Variants in CNTLN observed in about 807,000 individuals in gnomAD.
CNTLN encodes the protein centlein, centrosomal protein.
Under a neutral mutation model 180.0 loss-of-function variants are expected in CNTLN, and 212 were observed. The ratio of observed to expected loss-of-function variants is 1.18; its 90% CI spans 1.05 to 1.32. The LOEUF is 1.32. Among genes scored for constraint, CNTLN ranks in the 40% most tolerant of loss-of-function variants. The probability of loss-of-function intolerance (pLI) is 0.00; values close to 1 mark genes in which losing one functional copy is unlikely to be tolerated. For missense variants in CNTLN, 2,095 were observed against 1,610.9 expected, an observed-to-expected ratio of 1.30 and a Z score of -5.14; for synonymous variants, 722 against 563.1, an observed-to-expected ratio of 1.28 and a Z score of -3.99.
intron 18 of CNTLN, among the ~76,000 whole-genome samples, chr9:17,439,318 A>T (rs1026178785): frequency 6.6e-6 from 1 of 152,354 alleles, no homozygotes; most frequent in African/African-American, 2.4e-5. Flanking sequence ...ACTAGGCCAC[A>T]AAACAACATT....
At chr9:17,396,786 C>T (rs1826558254) in intron 15 of CNTLN, among the ~76,000 whole-genome samples, 1 of 152,266 alleles carries the variant, frequency 6.6e-6, no homozygotes. Flanking sequence ...AATGTGCAGA[C>T]AAGTTTGAGA....
At chr9:17,433,079 C>G (rs1021948995) in intron 18 of CNTLN, among the ~76,000 whole-genome samples, 3 of 148,766 alleles carry the variant, frequency 2.0e-5, no homozygotes, top group African/African-American at 7.4e-5. Flanking sequence ...ACCTCCAAAT[C>G]TAACATTATT....
intron 12 of CNTLN, among the ~76,000 whole-genome samples, chr9:17,350,766 T>C (rs1027847168): frequency 2.6e-5 from 4 of 152,128 alleles, no homozygotes; most frequent in African/African-American, 9.7e-5. Flanking sequence ...ACTCAGTCCA[T>C]CATGAGGACC....
At chr9:17,353,279 T>G (rs1822527468) in intron 12 of CNTLN, among the ~76,000 whole-genome samples, 2 of 133,782 alleles carry the variant, frequency 1.5e-5, no homozygotes, top group African/African-American at 5.5e-5. Context: ...TTTAAGGAAC[T>G]GCCAAACTTT....
intron 18 of CNTLN, among the ~76,000 whole-genome samples, chr9:17,450,991 A>G (rs1830747445): frequency 6.6e-6 from 1 of 152,164 alleles, no homozygotes; most frequent in South Asian, 2.1e-4. Flanking sequence ...GTTGTATGGA[A>G]AATATTTGTT....
intron 8 of CNTLN, among the ~76,000 whole-genome samples, chr9:17,321,018 G>A (rs1819871536): frequency 6.6e-6 from 1 of 152,198 alleles, no homozygotes; most frequent in African/African-American, 2.4e-5. Context: ...TTTAAAAACA[G>A]CCTTTTGTTT....
At chr9:17,448,147 C>G in intron 18 of CNTLN, 1 of 208,822 alleles carries the variant, frequency 4.8e-6, no homozygotes, top group Non-Finnish European at 1.0e-5. Context: ...GGTGTTTTAA[C>G]TGCCCATTAA....
chr9:17,323,368 G>T (rs1371757091), intron 8 of CNTLN, among the ~76,000 whole-genome samples: 3 of 152,144 alleles, frequency 2.0e-5, no homozygotes, highest in East Asian at 1.9e-4. Flanking sequence ...TTGTTTTGTG[G>T]CATAAATGGT....
chr9:17,202,646 GTTTTTTTTT>G (rs57960408), intron 2 of CNTLN, among the ~76,000 whole-genome samples: 11,964 of 71,822 alleles, frequency 0.17, 615 homozygotes, highest in South Asian at 0.29. Flanking sequence ...TGCAACCTCT[GTTTTTTTTT>G]TTTTTTTTTT....
chr9:17,272,511 T>C (rs1057005594), intron 5 of CNTLN, among the ~76,000 whole-genome samples: 3 of 152,220 alleles, frequency 2.0e-5, no homozygotes, highest in Admixed American at 6.5e-5. Flanking sequence ...TTAAGCTATT[T>C]TGAGGTTCCT....
chr9:17,258,974 G>T (rs372175379), intron 5 of CNTLN, among the ~76,000 whole-genome samples: 1 of 150,560 alleles, frequency 6.6e-6, no homozygotes, highest in African/African-American at 2.5e-5. Context: ...ATTTCCTTCT[G>T]CTGCCTGATT....
chr9:17,216,136 G>A (rs1389742744), intron 2 of CNTLN, among the ~76,000 whole-genome samples: 2 of 152,120 alleles, frequency 1.3e-5, no homozygotes, highest in Admixed American at 6.5e-5. Flanking sequence ...CCCATCTTCT[G>A]AGTTGCTCAC....
Position 17,388,317 on chromosome 9 carries a change from T to C in CNTLN, c.2079+64T>C, listed in dbSNP as rs181784096. ...ATCTGAATTTTAACATAAAGGATTA[T>C]ATTTTAAAACGAGGGCTTGTAAATG... On this transcript the variant is annotated intron_variant, in intron 14 of 25. Coordinates refer to ENST00000380647, the MANE Select transcript of CNTLN (RefSeq NM_017738.4). 14 of 1,088,882 alleles carry C rather than the reference T, an allele frequency of 1.3e-5. No homozygotes were observed. In the East Asian group the frequency reaches 3.3e-4, roughly 26 times the overall value. The allele number at this position is 1,088,882 out of a possible 1,614,324, so 67.5% of individuals were successfully genotyped here.
chr9:17,241,049 G>A (rs979891104), intron 5 of CNTLN, among the ~76,000 whole-genome samples: 1 of 151,958 alleles, frequency 6.6e-6, no homozygotes, highest in Non-Finnish European at 1.5e-5. Flanking sequence ...TAGTAGAGAC[G>A]GGGTTTCATC....
chr9:17,453,045 C>T (rs1830879288), intron 18 of CNTLN, among the ~76,000 whole-genome samples: 1 of 152,084 alleles, frequency 6.6e-6, no homozygotes, highest in South Asian at 2.1e-4. Flanking sequence ...AGCACAGTCG[C>T]TCATGACTAT....
In CNTLN at chr9:17,299,306, A is replaced by G. The variant is rs137972154; in HGVS notation, c.1146+954A>G. 740 of 253,194 alleles carry G rather than the reference A, an allele frequency of 2.9e-3. 3 individuals are homozygous for G. The highest frequency in any genetic ancestry group is 0.016 in the African/African-American group (685 of 43,224). The allele number at this position is 253,194 out of a possible 1,614,324, so 15.7% of individuals were successfully genotyped here. On this transcript the variant is annotated intron_variant, in intron 7 of 25. Coordinates refer to ENST00000380647, the MANE Select transcript of CNTLN (RefSeq NM_017738.4). ...CTTCATATGTTTTGTGTAGTGTGCT[A>G]AATTATTTTAATAAATAATGTAGTT...
chr9:17,184,234 A>G (rs969225440), intron 2 of CNTLN, among the ~76,000 whole-genome samples: 5 of 152,164 alleles, frequency 3.3e-5, no homozygotes, highest in Non-Finnish European at 7.4e-5. Context: ...TTATTTGAAA[A>G]TGATCAAGCA....
At chr9:17,367,559 C>T (rs1823934481) in intron 13 of CNTLN, among the ~76,000 whole-genome samples, 1 of 152,138 alleles carries the variant, frequency 6.6e-6, no homozygotes, top group Admixed American at 6.5e-5. Context: ...CCCTTGGCAG[C>T]ACAGCTCATG....
At chr9:17,440,009 A>G (rs1195282107) in intron 18 of CNTLN, among the ~76,000 whole-genome samples, 1 of 152,222 alleles carries the variant, frequency 6.6e-6, no homozygotes, top group African/African-American at 2.4e-5. Flanking sequence ...TAAAATAGAA[A>G]TATTAAAATA....
Sources: allele counts gnomAD v4.1 joint callset (sites outside exome capture counted in the v4.1 genomes callset), GRCh38; gene constraint gnomAD v4.1.1; transcripts MANE v1.5; gene names NCBI Gene and HGNC (gene_info 2026-07-23, HGNC 2026-07-21).